The following HTR7 variants were observed in gnomAD, a reference collection of about 807,000 sequenced individuals.
HTR7 encodes 5-hydroxytryptamine receptor 7.
A neutral mutation model predicts 34.0 loss-of-function variants in HTR7; 16 were observed. That is an observed-to-expected ratio of 0.47 (90% confidence interval 0.32 to 0.71). The LOEUF (loss-of-function observed/expected upper bound fraction) is 0.71, where lower values mean the gene tolerates loss of function less well. HTR7 is among the 30% of genes least tolerant of loss of function. The pLI is 0.04. For synonymous variants in HTR7, 265 were observed against 260.2 expected (o/e 1.02, Z -0.18); for missense variants, 504 against 625.5 (o/e 0.81, Z 2.07).
intron 1 of HTR7, among the ~76,000 whole-genome samples, chr10:90,816,187 T>C (rs1845897138): frequency 6.6e-6 from 1 of 152,218 alleles, no homozygotes; most frequent in Admixed American, 6.5e-5. Flanking sequence ...ACCTGACTGA[T>C]AAAGAGCTGC....
chr10:90,826,079 A>C (rs909756706), intron 1 of HTR7, among the ~76,000 whole-genome samples: 1 of 152,218 alleles, frequency 6.6e-6, no homozygotes, highest in Non-Finnish European at 1.5e-5. Flanking sequence ...CAAAGGTCGA[A>C]GATAAAGAAA....
chr10:90,793,621 T>C (rs1293563663), intron 1 of HTR7, among the ~76,000 whole-genome samples: 1 of 151,476 alleles, frequency 6.6e-6, no homozygotes, highest in Admixed American at 6.6e-5. Flanking sequence ...CAGGGTTCTC[T>C]AGAGGGGCAG....
At chr10:90,801,307 G>A (rs1845622194) in intron 1 of HTR7, among the ~76,000 whole-genome samples, 1 of 151,840 alleles carries the variant, frequency 6.6e-6, no homozygotes, top group Non-Finnish European at 1.5e-5. Context: ...TCTGTTTTTT[G>A]GTTTTAGTCT....
intron 2 of HTR7, among the ~76,000 whole-genome samples, chr10:90,744,337 C>G (rs1377123896): frequency 1.3e-5 from 2 of 151,086 alleles, no homozygotes; most frequent in Non-Finnish European, 2.9e-5. Context: ...ATGCCTGGTT[C>G]CATGCTTTGT....
intron 1 of HTR7, among the ~76,000 whole-genome samples, chr10:90,798,129 C>CA (rs1845570431): frequency 6.6e-6 from 1 of 152,156 alleles, no homozygotes. Flanking sequence ...AGGGAACATT[C>CA]AAACCACAGC....
intron 1 of HTR7, among the ~76,000 whole-genome samples, chr10:90,854,078 T>C (rs1846542258): frequency 6.6e-6 from 1 of 152,220 alleles, no homozygotes; most frequent in Non-Finnish European, 1.5e-5. Flanking sequence ...AGAAAGACCA[T>C]CAATAAGCTG....
At chr10:90,794,981 T>C (rs1452820241) in intron 1 of HTR7, among the ~76,000 whole-genome samples, 4 of 152,226 alleles carry the variant, frequency 2.6e-5, no homozygotes, top group Non-Finnish European at 4.4e-5. Context: ...CTGTTATACA[T>C]GTGGTCTGTC....
chr10:90,815,450 G>T (rs934040027), intron 1 of HTR7, among the ~76,000 whole-genome samples: 1 of 152,208 alleles, frequency 6.6e-6, no homozygotes, highest in Non-Finnish European at 1.5e-5. Flanking sequence ...AATGGATCTT[G>T]TATCTGACTG....
chr10:90,815,333 C>A (rs972961356), intron 1 of HTR7, among the ~76,000 whole-genome samples: 4 of 151,998 alleles, frequency 2.6e-5, no homozygotes, highest in African/African-American at 4.8e-5. Flanking sequence ...CTCAGGCGAT[C>A]CACCTGCCTC....
intron 1 of HTR7, among the ~76,000 whole-genome samples, chr10:90,809,120 C>A (rs949845621): frequency 2.0e-5 from 3 of 152,068 alleles, no homozygotes; most frequent in Admixed American, 6.5e-5. Flanking sequence ...CTCGCCAGGC[C>A]GAGCTAAGTC....
chr10:90,836,061 T>TAAGA (rs1846247715), intron 1 of HTR7, among the ~76,000 whole-genome samples: 2 of 152,040 alleles, frequency 1.3e-5, no homozygotes, highest in South Asian at 2.1e-4. Context: ...AAATTACGTA[T>TAAGA]CCTTCCCGAC....
Position 90,749,677 on chromosome 10 carries a change from C to T in HTR7, c.540-83G>A, listed in dbSNP as rs780463949. ...GCAAGTCCTGCCAGCCAGGTACCAGCGCCAGTCCTCGCAACAGCCCTTCTA... is the reference window on the plus strand; with the variant it reads ...GCAAGTCCTGCCAGCCAGGTACCAGTGCCAGTCCTCGCAACAGCCCTTCTA... On this transcript the variant is annotated intron_variant, in intron 1 of 3. Transcript: ENST00000336152. This position sits in a 1 kb window ranked among gnomAD's most constrained non-coding sequence, Gnocchi z 4.2. The T allele has an allele frequency of 5.7e-5, 74 of 1,304,908 alleles. No individual in the cohort carries two copies. The Middle Eastern group carries it at 7.7e-4, about 14-fold the overall frequency. The allele number at this position is 1,304,908 out of a possible 1,614,324, so 80.8% of individuals were successfully genotyped here. A position where few individuals can be genotyped will look rare whatever the true frequency, so the allele number is the denominator to read the frequency against.
intron 1 of HTR7, among the ~76,000 whole-genome samples, chr10:90,809,685 C>T (rs11817810): frequency 0.26 from 39,582 of 152,180 alleles, 5,476 homozygotes; most frequent in African/African-American, 0.35. Context: ...ACCTCCTCTG[C>T]CAGGAGCTTG....
chr10:90,751,294 G>C (rs918110771), intron 1 of HTR7, among the ~76,000 whole-genome samples: 1 of 152,120 alleles, frequency 6.6e-6, no homozygotes, highest in Admixed American at 6.6e-5. Context: ...AGAAGAGAGG[G>C]AGTGAAGGAG....
At chr10:90,829,287 TATG>T (rs1268818089) in intron 1 of HTR7, among the ~76,000 whole-genome samples, 8 of 152,338 alleles carry the variant, frequency 5.3e-5, no homozygotes, top group Middle Eastern at 3.4e-3. Flanking sequence ...CCACAGCTAG[TATG>T]ATACTGAATG....
At chr10:90,743,991 A>G (rs1325269226) in intron 2 of HTR7, 7 of 545,942 alleles carry the variant, frequency 1.3e-5, no homozygotes, top group African/African-American at 7.6e-5. Flanking sequence ...ATTTGGGAGT[A>G]GGAACAGTCT....
intron 1 of HTR7, among the ~76,000 whole-genome samples, chr10:90,850,607 C>CTATGTTTAGTG (rs1420319486): frequency 6.6e-6 from 1 of 152,020 alleles, no homozygotes. Context: ...AAGAGTCAAA[C>CTATGTTTAGTG]TATGATTAAT....
intron 1 of HTR7, among the ~76,000 whole-genome samples, chr10:90,801,439 AC>A (rs1225489524): frequency 6.6e-6 from 1 of 152,092 alleles, no homozygotes; most frequent in Non-Finnish European, 1.5e-5. Flanking sequence ...TCAATATTTT[AC>A]CCCCCAAAAT....
chr10:90,851,280 T>C (rs1324615051), intron 1 of HTR7, among the ~76,000 whole-genome samples: 2 of 151,960 alleles, frequency 1.3e-5, no homozygotes, highest in Admixed American at 1.3e-4. Flanking sequence ...ACTAGAAATA[T>C]AAAATTCCAT....
Sources: gnomAD v4.1 joint callset for allele counts (sites outside exome capture counted in the v4.1 genomes callset) on GRCh38, gnomAD v4.1.1 for gene constraint, Gnocchi (gnomAD v3.1) non-coding constraint, MANE v1.5 for transcripts, NCBI Gene and HGNC (gene_info 2026-07-23, HGNC 2026-07-21) for gene names.